The following NREP variants were observed in gnomAD, a reference collection of about 807,000 sequenced individuals.
NREP encodes the protein neuronal regeneration related protein, also known as neuronal regeneration-related protein.
NREP carries 5 observed loss-of-function variants against 8.6 expected under a neutral mutation model. The observed-to-expected ratio is 0.58, with a 90% confidence interval of 0.30 to 1.22. NREP has a LOEUF of 1.22. Ranked by LOEUF, NREP falls within the 50% of genes most tolerant of loss-of-function variation. The probability of loss-of-function intolerance (pLI) is 0.07; values close to 1 mark genes in which losing one functional copy is unlikely to be tolerated. For missense variants in NREP, 86 were observed against 82.5 expected (o/e 1.04, Z -0.17); for synonymous variants, 27 against 28.0 (o/e 0.96, Z 0.11).
intron 2 of NREP, among the ~76,000 whole-genome samples, chr5:111,867,183 T>C (rs1025432540): frequency 3.3e-5 from 5 of 151,298 alleles, no homozygotes; most frequent in South Asian, 4.2e-4. Flanking sequence ...TCAGCTAACC[T>C]GTTGTCTTAG....
chr5:111,943,747 A>G (rs565059442), intron 2 of NREP, among the ~76,000 whole-genome samples: 2 of 152,238 alleles, frequency 1.3e-5, no homozygotes, highest in South Asian at 4.1e-4. Flanking sequence ...TGGAGGATAT[A>G]GTAGAGGAAA....
At chr5:111,761,923 T>G (rs531785001), upstream of NREP, among the ~76,000 whole-genome samples, 102 of 152,294 alleles carry the variant, frequency 6.7e-4, no homozygotes, top group Non-Finnish European at 1.1e-3. Context: ...GTAGAAGAAA[T>G]GTAATCTGAA....
At chr5:111,923,805 A>G (rs1248563550) in intron 2 of NREP, among the ~76,000 whole-genome samples, 1 of 152,178 alleles carries the variant, frequency 6.6e-6, no homozygotes, top group Non-Finnish European at 1.5e-5. Context: ...TGCCTTCCCT[A>G]TTGGAAGACT....
At chr5:111,747,984 G>A (rs1750113447) in intron 2 of NREP, among the ~76,000 whole-genome samples, 1 of 152,122 alleles carries the variant, frequency 6.6e-6, no homozygotes, top group Admixed American at 6.5e-5. Context: ...TGTCATGACT[G>A]CCTCAGTCAG....
At chr5:111,847,969 A>G (rs1324641670) in intron 2 of NREP, among the ~76,000 whole-genome samples, 4 of 152,170 alleles carry the variant, frequency 2.6e-5, no homozygotes, top group African/African-American at 9.7e-5. Flanking sequence ...CCAAAGATTC[A>G]AGACCACGCA....
chr5:111,937,204 A>T (rs1218043212), intron 2 of NREP, among the ~76,000 whole-genome samples: 1 of 152,130 alleles, frequency 6.6e-6, no homozygotes, highest in African/African-American at 2.4e-5. Context: ...TCAGTTTTAA[A>T]TGATGCCAAA....
At chr5:111,751,661 T>A (rs1439266566) in intron 2 of NREP, among the ~76,000 whole-genome samples, 1 of 152,208 alleles carries the variant, frequency 6.6e-6, no homozygotes, top group Non-Finnish European at 1.5e-5. Context: ...ATATTCAAAT[T>A]GGATTTGCTG....
At chr5:111,748,222 T>G (rs1046029293) in intron 2 of NREP, among the ~76,000 whole-genome samples, 1 of 152,206 alleles carries the variant, frequency 6.6e-6, no homozygotes, top group Admixed American at 6.5e-5. Context: ...TTTTGTAGTG[T>G]GCTTAGATCT....
At chr5:111,755,941 A>C in intron 1 of NREP, 111 bp from the exon 2 acceptor site, 1 of 1,450,598 alleles carries the variant, frequency 6.9e-7, no homozygotes, top group Non-Finnish European at 9.2e-7. Context: ...GGTTAAGATA[A>C]GTTACATGCA....
chr5:111,846,834 A>G (rs1753187828), intron 2 of NREP, among the ~76,000 whole-genome samples: 1 of 152,228 alleles, frequency 6.6e-6, no homozygotes, highest in African/African-American at 2.4e-5. Flanking sequence ...CCTAAGGCAC[A>G]TTTAATAGCT....
intron 2 of NREP, among the ~76,000 whole-genome samples, chr5:111,815,138 G>T (rs142478293): frequency 6.6e-6 from 1 of 152,132 alleles, no homozygotes; most frequent in Non-Finnish European, 1.5e-5. Flanking sequence ...AAACCGGCTA[G>T]ACTATAGACT....
intron 2 of NREP, among the ~76,000 whole-genome samples, chr5:111,746,118 T>G (rs985757272): frequency 6.6e-6 from 1 of 152,158 alleles, no homozygotes; most frequent in Non-Finnish European, 1.5e-5. Flanking sequence ...GATTATCAGA[T>G]GAATTGTTTC....
chr5:111,785,235 C>T (rs1391283855), intron 2 of NREP, among the ~76,000 whole-genome samples: 2 of 152,088 alleles, frequency 1.3e-5, no homozygotes, highest in South Asian at 2.1e-4. Flanking sequence ...CTTTGTTAAA[C>T]GTAGAGATAT....
chr5:111,850,443 C>G (rs920252623), intron 2 of NREP, among the ~76,000 whole-genome samples: 1 of 152,146 alleles, frequency 6.6e-6, no homozygotes, highest in African/African-American at 2.4e-5. Context: ...TCCAAACCAT[C>G]ATATCCCAAA....
rs552486208 is a variant in NREP at position 111,849,422 on chromosome 5, T to C, written c.136-113915A>G. On this transcript the variant is annotated intron_variant, in intron 2 of 3. Coordinates refer to the NREP transcript ENST00000395634. ...TCAAAGGTAAGCAGGGTTATACTTA[T>C]GAGATCTTAGCTATGTTTAAAGTTT... Among the ~76,000 whole-genome samples the C allele has an allele frequency of 4.6e-5, 7 of 152,250 alleles. No homozygotes were observed. The East Asian group carries it at 5.8e-4, about 13-fold the overall frequency.
chr5:111,746,011 GGTAGA>G (rs574298668), intron 2 of NREP, among the ~76,000 whole-genome samples: 223 of 152,142 alleles, frequency 1.5e-3, no homozygotes, highest in South Asian at 5.6e-3. Flanking sequence ...TCATATTGCA[GGTAGA>G]GTACTGTATT....
intron 2 of NREP, among the ~76,000 whole-genome samples, chr5:111,929,875 C>G (rs1442443962): frequency 6.6e-6 from 1 of 152,172 alleles, no homozygotes; most frequent in Admixed American, 6.5e-5. Context: ...AGCATCTAGC[C>G]AAATTCCTCT....
At chr5:111,920,019 G>T in intron 2 of NREP, among the ~76,000 whole-genome samples, 1 of 143,612 alleles carries the variant, frequency 7.0e-6, no homozygotes, top group African/African-American at 2.6e-5. Flanking sequence ...ATGCTCATAT[G>T]AAGTTTTCTT....
At chr5:111,768,518 C>T (rs928709360) in intron 2 of NREP, among the ~76,000 whole-genome samples, 2 of 152,196 alleles carry the variant, frequency 1.3e-5, no homozygotes, top group African/African-American at 4.8e-5. Context: ...GCTCTCCTCT[C>T]TCTGCCCCCT....
Sources: allele counts gnomAD v4.1 joint callset (sites outside exome capture counted in the v4.1 genomes callset), GRCh38; gene constraint gnomAD v4.1.1; transcripts MANE v1.5; gene names NCBI Gene and HGNC (gene_info 2026-07-23, HGNC 2026-07-21).